Variants in SHOC2 observed in about 807,000 individuals in gnomAD.
SHOC2 encodes SHOC2 leucine rich repeat scaffold protein.
A neutral mutation model predicts 50.2 loss-of-function variants in SHOC2; 4 were observed. The ratio of observed to expected loss-of-function variants is 0.08; its 90% CI spans 0.04 to 0.18. The LOEUF (loss-of-function observed/expected upper bound fraction) is 0.18, where lower values mean the gene tolerates loss of function less well. Among genes scored for constraint, SHOC2 ranks in the 10% least tolerant of loss-of-function variants. The pLI, the probability that SHOC2 is intolerant of heterozygous loss-of-function variation, is 1.00. For synonymous variants in SHOC2, 218 were observed against 244.5 expected (o/e 0.89, Z 1.01); for missense variants, 388 against 669.6 (o/e 0.58, Z 4.64).
chr10:110,953,649 A>G (rs1166472877), intron 1 of SHOC2, among the ~76,000 whole-genome samples: 2 of 152,018 alleles, frequency 1.3e-5, no homozygotes, highest in Admixed American at 6.6e-5. Flanking sequence ...ACCAAGGAGC[A>G]CAATTGATGG....
At chr10:110,922,858 T>C (rs79378757) in intron 1 of SHOC2, among the ~76,000 whole-genome samples, 9,228 of 152,124 alleles carry the variant, frequency 0.061, 324 homozygotes, top group East Asian at 0.1. Context: ...ATTGGTATTT[T>C]GCTATAGATG....
intron 1 of SHOC2, among the ~76,000 whole-genome samples, chr10:110,962,232 G>C (rs1162339445): frequency 6.6e-6 from 1 of 151,392 alleles, no homozygotes; most frequent in Non-Finnish European, 1.5e-5. Flanking sequence ...CTAAATTTAG[G>C]GTATACATAT....
chr10:110,968,213 C>G (rs544459009), intron 2 of SHOC2, among the ~76,000 whole-genome samples: 1 of 152,188 alleles, frequency 6.6e-6, no homozygotes, highest in East Asian at 1.9e-4. Flanking sequence ...TCCCTGATCA[C>G]TATATATTTG....
chr10:110,940,910 G>GTTTTTTTTTTTTTTT (rs539552844), intron 1 of SHOC2, among the ~76,000 whole-genome samples: 33 of 119,474 alleles, frequency 2.8e-4, no homozygotes, highest in Middle Eastern at 4.4e-3. Context: ...TTTGTGGTGG[G>GTTTTTTTTTTTTTTT]TTTTTTTTTT....
intron 1 of SHOC2, among the ~76,000 whole-genome samples, chr10:110,961,970 T>C (rs572716894): frequency 2.3e-4 from 35 of 152,228 alleles, no homozygotes; most frequent in African/African-American, 8.4e-4. Context: ...TTTTATAAAA[T>C]ACCTAGACCC....
chr10:110,951,242 A>C (rs1847345465), intron 1 of SHOC2, among the ~76,000 whole-genome samples: 1 of 152,250 alleles, frequency 6.6e-6, no homozygotes, highest in Non-Finnish European at 1.5e-5. Context: ...TCTTCAAAAG[A>C]CAACATACAG....
chr10:110,922,595 T>G (rs888508720), intron 1 of SHOC2, among the ~76,000 whole-genome samples: 1 of 152,044 alleles, frequency 6.6e-6, no homozygotes, highest in Non-Finnish European at 1.5e-5. Context: ...TAGAATTTGG[T>G]TTACTATATG....
chr10:110,960,885 C>T (rs1313083974), intron 1 of SHOC2, among the ~76,000 whole-genome samples: 1 of 152,242 alleles, frequency 6.6e-6, no homozygotes, highest in East Asian at 1.9e-4. Context: ...CCATGTTGGT[C>T]AGGCTGGTCT....
chr10:110,974,193 A>T (rs1373789082), intron 2 of SHOC2, among the ~76,000 whole-genome samples: 3 of 152,056 alleles, frequency 2.0e-5, no homozygotes, highest in Non-Finnish European at 2.9e-5. Flanking sequence ...AAATTTTGGC[A>T]GGTTATCTTT....
intron 2 of SHOC2, among the ~76,000 whole-genome samples, chr10:110,982,507 T>A (rs1255261826): frequency 1.3e-5 from 2 of 152,156 alleles, no homozygotes; most frequent in Admixed American, 1.3e-4. Flanking sequence ...CCACATCCTC[T>A]CCAGCACCTG....
At chr10:110,940,910 GTTTTTTTTTTTTTTTTTTTTTTTT>G (rs539552844) in intron 1 of SHOC2, among the ~76,000 whole-genome samples, 7 of 119,504 alleles carry the variant, frequency 5.9e-5, no homozygotes, top group South Asian at 5.5e-4. Flanking sequence ...TTTGTGGTGG[GTTTTTTTTTTTTTTTTTTTTTTTT>G]TTTTTTTTTT....
Position 110,964,655 on chromosome 10 carries a change from A to G in SHOC2, c.297A>G (p.Glu99=). The G allele has an allele frequency of 6.2e-7, 1 of 1,613,482 alleles. No homozygotes were observed. The highest frequency in any genetic ancestry group is 8.5e-7 in the Non-Finnish European group (1 of 1,179,392). ...TTAAAGAGCTCAACAAATGCCGGGA[A>G]GAGAATTCAATGCGTTTGGACTTAT... is the stretch of plus-strand genomic sequence containing the variant. The part of the protein sequence containing the change: ...EVIKELNKCR[E]ENSMRLDLSK... Residue 99 remains glutamate (E), a synonymous_variant, in exon 2 of 9, where the codon GAA becomes GAG. Transcript: ENST00000369452. This position sits in a 1 kb window ranked among gnomAD's most constrained non-coding sequence, Gnocchi z 4.9.
At chr10:111,009,662 T>G in intron 7 of SHOC2, 51 bp from the exon 8 acceptor site, 1 of 1,135,910 alleles carries the variant, frequency 8.8e-7, no homozygotes, top group Non-Finnish European at 1.3e-6. Flanking sequence ...CAGTTTACAT[T>G]AAATGTAGGA....
chr10:110,936,382 C>T (rs1293556213), intron 1 of SHOC2, among the ~76,000 whole-genome samples: 1 of 151,796 alleles, frequency 6.6e-6, no homozygotes, highest in African/African-American at 2.4e-5. Context: ...GTATTACAGG[C>T]GTGAGCCACC....
chr10:110,991,441 A>G (rs1451447492), intron 3 of SHOC2, among the ~76,000 whole-genome samples: 4 of 152,214 alleles, frequency 2.6e-5, no homozygotes, highest in Non-Finnish European at 4.4e-5. Flanking sequence ...TTGGAAATCA[A>G]TGAGAACTGA....
At chr10:110,978,485 T>C (rs1183567780) in intron 2 of SHOC2, among the ~76,000 whole-genome samples, 1 of 152,236 alleles carries the variant, frequency 6.6e-6, no homozygotes, top group Non-Finnish European at 1.5e-5. Flanking sequence ...GGTAAATTCC[T>C]TAGTTTTGAG....
At chr10:110,931,764 T>G (rs887610930) in intron 1 of SHOC2, among the ~76,000 whole-genome samples, 3 of 152,172 alleles carry the variant, frequency 2.0e-5, no homozygotes, top group Non-Finnish European at 4.4e-5. Flanking sequence ...GAGTAAAAAT[T>G]GCTGTCTAGA....
intron 3 of SHOC2, among the ~76,000 whole-genome samples, chr10:110,995,570 A>G (rs78142000): frequency 3.3e-5 from 5 of 152,336 alleles, no homozygotes; most frequent in East Asian, 1.9e-4. Context: ...TAGGGAGCCA[A>G]CCAAGTTGGA....
intron 1 of SHOC2, among the ~76,000 whole-genome samples, chr10:110,921,232 T>G (rs1846641153): frequency 6.6e-6 from 1 of 152,220 alleles, no homozygotes; most frequent in African/African-American, 2.4e-5. Context: ...TGAAAAGAAT[T>G]TTAGGAATAA....
Sources: allele counts gnomAD v4.1 joint callset (sites outside exome capture counted in the v4.1 genomes callset), GRCh38; gene constraint gnomAD v4.1.1; non-coding constraint Gnocchi (gnomAD v3.1); transcripts MANE v1.5; gene names NCBI Gene and HGNC (gene_info 2026-07-23, HGNC 2026-07-21).